The following AKAP6 variants were observed in gnomAD, a reference collection of about 807,000 sequenced individuals.
AKAP6 encodes the protein A-kinase anchor protein 6.
AKAP6 carries 58 observed loss-of-function variants against 188.5 expected under a neutral mutation model. The ratio of observed to expected loss-of-function variants is 0.31; its 90% CI spans 0.25 to 0.38. The LOEUF is 0.38. Among genes scored for constraint, AKAP6 ranks in the 10% least tolerant of loss-of-function variants. The pLI is 1.00. For missense variants in AKAP6, 2,710 were observed against 2,740.0 expected, an observed-to-expected ratio of 0.99 and a Z score of 0.24; for synonymous variants, 989 against 998.6, an observed-to-expected ratio of 0.99 and a Z score of 0.18.
At chr14:32,683,087 G>T (rs1889761627) in intron 8 of AKAP6, among the ~76,000 whole-genome samples, 1 of 150,960 alleles carries the variant, frequency 6.6e-6, no homozygotes, top group Admixed American at 6.6e-5. Flanking sequence ...TCCGCCTCTT[G>T]GGTTCAAGCG....
intron 1 of AKAP6, among the ~76,000 whole-genome samples, chr14:32,346,913 C>A (rs1287762367): frequency 1.3e-5 from 2 of 152,204 alleles, no homozygotes; most frequent in African/African-American, 4.8e-5. Flanking sequence ...ATAGTTACTT[C>A]TTCTATAGGC....
chr14:32,455,507 A>G (rs1891121389), intron 2 of AKAP6, among the ~76,000 whole-genome samples: 1 of 152,198 alleles, frequency 6.6e-6, no homozygotes, highest in African/African-American at 2.4e-5. Flanking sequence ...ACATGCAGCA[A>G]TTAGATAGTG....
At chr14:32,804,720 G>A (rs962672368) in intron 12 of AKAP6, among the ~76,000 whole-genome samples, 3 of 152,088 alleles carry the variant, frequency 2.0e-5, no homozygotes, top group South Asian at 4.2e-4. Context: ...GGGTACTGTA[G>A]GAGACCAGGG....
rs1884315478 is a variant in AKAP6 at position 32,568,647 on chromosome 14, G to C, written c.2347-8473G>C. Among the ~76,000 whole-genome samples the C allele has an allele frequency of 6.6e-6, 1 of 152,116 alleles. No individual in the cohort carries two copies. Among genetic ancestry groups the C allele is most frequent in the Non-Finnish European group, 1.5e-5 (1 of 68,022 alleles). ...ACCTAGAGCAAGTCTGCCAAGCTTTGGGGCAGTCATACTACCTGAATGAGG... is the reference window on the plus strand; with the variant it reads ...ACCTAGAGCAAGTCTGCCAAGCTTTCGGGCAGTCATACTACCTGAATGAGG... On this transcript the variant is annotated intron_variant, in intron 4 of 13. Transcript: ENST00000280979. This position sits in a 1 kb window ranked among gnomAD's most constrained non-coding sequence, Gnocchi z 6.2.
At chr14:32,787,815 T>C (rs1183390032) in intron 12 of AKAP6, among the ~76,000 whole-genome samples, 2 of 152,120 alleles carry the variant, frequency 1.3e-5, no homozygotes, top group Non-Finnish European at 1.5e-5. Flanking sequence ...TATTTTTCTT[T>C]TATAAATCCC....
chr14:32,615,458 A>G (rs931565121), intron 7 of AKAP6, among the ~76,000 whole-genome samples: 15 of 148,706 alleles, frequency 1.0e-4, no homozygotes. Context: ...ATTTTCTGTT[A>G]TTAGGGACAA....
intron 7 of AKAP6, among the ~76,000 whole-genome samples, chr14:32,635,604 A>C (rs1056792717): frequency 1.3e-5 from 2 of 152,106 alleles, no homozygotes; most frequent in Non-Finnish European, 2.9e-5. Context: ...ATGAATTACC[A>C]CAAAATCTGA....
chr14:32,423,733 A>G (rs17099051), intron 1 of AKAP6, among the ~76,000 whole-genome samples: 1,652 of 152,150 alleles, frequency 0.011, 33 homozygotes, highest in African/African-American at 0.037. Context: ...TTTATCTTCA[A>G]TCTTGCCTAT....
intron 2 of AKAP6, among the ~76,000 whole-genome samples, chr14:32,478,296 G>C (rs1879172125): frequency 6.6e-6 from 1 of 152,184 alleles, no homozygotes; most frequent in Non-Finnish European, 1.5e-5. Context: ...GATGTGTCAG[G>C]AAGACATCAT....
rs374756133 is a variant in AKAP6, at chr14:32,621,622, G to T, written c.2730+20830G>T. Among the ~76,000 whole-genome samples the T allele has an allele frequency of 9.2e-5, 14 of 152,142 alleles. No homozygotes were observed. The East Asian group carries it at 2.3e-3, about 25-fold the overall frequency. ...GTCTATCTTGGAGAATGTTCCATGT[G>T]CTGACGAGAATAATGTATATTATAC... is the stretch of plus-strand genomic sequence containing the variant. On this transcript the variant is annotated intron_variant, in intron 7 of 13. Coordinates refer to ENST00000280979, the MANE Select transcript of AKAP6 (RefSeq NM_004274.5).
intron 1 of AKAP6, among the ~76,000 whole-genome samples, chr14:32,415,398 TTTAAG>T (rs574117946): frequency 0.013 from 1,099 of 85,568 alleles, 19 homozygotes; most frequent in African/African-American, 0.031. Flanking sequence ...AACTTGAGAC[TTTAAG>T]TTAACTTAGT....
chr14:32,606,945 A>G (rs527286302), intron 7 of AKAP6, among the ~76,000 whole-genome samples: 1 of 152,302 alleles, frequency 6.6e-6, no homozygotes, highest in South Asian at 2.1e-4. Flanking sequence ...TGCTTACAAT[A>G]TACCCAACTG....
At chr14:32,794,904 G>A (rs2033718274) in intron 12 of AKAP6, among the ~76,000 whole-genome samples, 1 of 151,772 alleles carries the variant, frequency 6.6e-6, no homozygotes, top group South Asian at 2.1e-4. Context: ...GACTAATAAA[G>A]AAGAAAAGAG....
chr14:32,385,445 G>A (rs1164012213), intron 1 of AKAP6, among the ~76,000 whole-genome samples: 1 of 149,498 alleles, frequency 6.7e-6, no homozygotes, highest in African/African-American at 2.5e-5. Flanking sequence ...TGGGGAACAG[G>A]TAGTGTTTGG....
chr14:32,642,160 CT>C (rs1887786268), intron 7 of AKAP6, among the ~76,000 whole-genome samples: 1 of 152,058 alleles, frequency 6.6e-6, no homozygotes, highest in South Asian at 2.1e-4. Flanking sequence ...TCAGTGCTAT[CT>C]TGTTATTGTT....
intron 5 of AKAP6, among the ~76,000 whole-genome samples, chr14:32,596,654 C>T (rs981851082): frequency 5.9e-5 from 9 of 152,142 alleles, no homozygotes; most frequent in African/African-American, 1.9e-4. Flanking sequence ...ATATTCTTGC[C>T]ATAAATTTGT....
intron 1 of AKAP6, among the ~76,000 whole-genome samples, chr14:32,423,853 T>C (rs1397101439): frequency 6.6e-6 from 1 of 152,188 alleles, no homozygotes; most frequent in Non-Finnish European, 1.5e-5. Context: ...CTTAAAATTT[T>C]TCCACTTCAA....
chr14:32,499,816 ATTAGT>A (rs1263148129), intron 2 of AKAP6, among the ~76,000 whole-genome samples: 1 of 151,952 alleles, frequency 6.6e-6, no homozygotes, highest in Non-Finnish European at 1.5e-5. Context: ...TAGACACAGT[ATTAGT>A]TTGTTACATG....
chr14:32,636,707 T>C (rs553145232), intron 7 of AKAP6, among the ~76,000 whole-genome samples: 86 of 152,204 alleles, frequency 5.7e-4, no homozygotes, highest in Middle Eastern at 3.4e-3. Context: ...CTTCAGAAAG[T>C]GTTCAGCATG....
Sources: allele counts gnomAD v4.1 joint callset (sites outside exome capture counted in the v4.1 genomes callset), GRCh38; gene constraint gnomAD v4.1.1; non-coding constraint Gnocchi (gnomAD v3.1); transcripts MANE v1.5; gene names NCBI Gene and HGNC (gene_info 2026-07-23, HGNC 2026-07-21).